Variants in F8 observed in about 807,000 individuals in gnomAD.
F8 encodes antihemophilic factor.
A neutral mutation model predicts 140.6 loss-of-function variants in F8; 12 were observed. The ratio of observed to expected loss-of-function variants is 0.09; its 90% CI spans 0.05 to 0.14. F8 has a LOEUF of 0.14. Among genes scored for constraint, F8 ranks in the 10% least tolerant of loss-of-function variants. F8 has a pLI of 1.00. For missense variants in F8, 1,354 were observed against 1,720.7 expected (o/e 0.79, Z 3.77); for synonymous variants, 585 against 614.6 (o/e 0.95, Z 0.71).
chrX:155,014,899 C>T (rs1464010299), intron 1 of F8, among the ~76,000 whole-genome samples: 2 of 112,308 alleles, frequency 1.8e-5, no homozygotes, highest in Non-Finnish European at 3.8e-5. Flanking sequence ...TCCCAGTTGG[C>T]TATTTGGTGG....
At chrX:155,005,109 C>T (rs782137752) in intron 1 of F8, among the ~76,000 whole-genome samples, 8 of 111,254 alleles carry the variant, frequency 7.2e-5, no homozygotes, top group African/African-American at 1.3e-4. Context: ...GGAATATGTC[C>T]GCCAGTGGAC....
intron 4 of F8, among the ~76,000 whole-genome samples, chrX:154,991,463 A>G (rs1348487562): frequency 8.9e-6 from 1 of 112,067 alleles, no homozygotes. Flanking sequence ...TGGGCTTTGC[A>G]TTTTGTCAAG....
At chrX:154,909,938 G>A (rs1346273561) in intron 14 of F8, among the ~76,000 whole-genome samples, 1 of 111,701 alleles carries the variant, frequency 9.0e-6, no homozygotes, top group Non-Finnish European at 1.9e-5. Flanking sequence ...CTGTAATATC[G>A]AACACTACAA....
chrX:155,000,421 C>T (rs1452610618), intron 1 of F8, among the ~76,000 whole-genome samples: 1 of 112,402 alleles, frequency 8.9e-6, no homozygotes, highest in Non-Finnish European at 1.9e-5. Context: ...AGCAGTTCTG[C>T]AGCTTTCTCT....
intron 13 of F8, among the ~76,000 whole-genome samples, chrX:154,940,194 G>T (rs918061304): frequency 8.9e-6 from 1 of 111,934 alleles, no homozygotes; most frequent in African/African-American, 3.3e-5. Flanking sequence ...AGAGAGGAAG[G>T]CTTCAGAAGA....
At chrX:154,933,405 T>C (rs1485984290) in intron 13 of F8, among the ~76,000 whole-genome samples, 2 of 111,954 alleles carry the variant, frequency 1.8e-5, no homozygotes, top group Non-Finnish European at 3.8e-5. Context: ...ACTACAAATA[T>C]ATAGATCAGT....
rs781979671 is a variant in F8, at chrX:154,904,516, A to G, written c.5595T>C (p.Asp1865=). ...AYFSDVDLEK[D]VHSGLIGPLL... is the part of the protein sequence containing the mutation. ...GGGGTCCAATCAGGCCTGAGTGCACATCTTTTTCCTAGGGAGGGAAGACAT... is the reference window on the plus strand; with the variant it reads ...GGGGTCCAATCAGGCCTGAGTGCACGTCTTTTTCCTAGGGAGGGAAGACAT... Residue 1865 remains aspartate (D), a synonymous_variant, in exon 17 of 26, where the codon GAT becomes GAC. Transcript: ENST00000360256. 5 of 1,201,640 alleles carry G rather than the reference A, an allele frequency of 4.2e-6. No individual in the cohort carries two copies. The East Asian group carries it at 8.9e-5, about 21-fold the overall frequency.
chrX:154,903,576 A>C (rs1557276090), intron 18 of F8, among the ~76,000 whole-genome samples: 1 of 112,038 alleles, frequency 8.9e-6, no homozygotes, highest in African/African-American at 3.2e-5. Context: ...TACATACATA[A>C]ACAAATGACT....
chrX:154,853,357 ATTACT>A (rs1489639783), intron 25 of F8, among the ~76,000 whole-genome samples: 3 of 111,427 alleles, frequency 2.7e-5, no homozygotes, highest in Non-Finnish European at 5.7e-5. Context: ...TCCATATGTT[ATTACT>A]TTAAAGATTT....
chrX:154,992,873 T>C (rs782757566), intron 4 of F8, 63 bp downstream of exon 4: 2 of 1,033,731 alleles, frequency 1.9e-6, no homozygotes, highest in Non-Finnish European at 2.7e-6. Flanking sequence ...CTGTTATAGA[T>C]AGATTCAGTT....
rs201315837 is a variant in F8 at position 154,984,740 on chromosome X, C to T, written c.734G>A (p.Arg245Gln). 49 of 1,209,745 alleles carry T rather than the reference C, an allele frequency of 4.1e-5. No homozygotes were observed. In the East Asian group the frequency reaches 7.4e-4, roughly 18 times the overall value. ...GACTGTGTGCATTTTAGGCCAGGCC[C>T]GAGCAGATGCAGCATCCCTATCCTG... The part of the protein sequence containing the change: ...LMQDRDAASA[R>Q]AWPKMHTVNG... Residue 245 changes from arginine (R) to glutamine (Q), a missense_variant, in exon 6 of 26, where the codon CGG (arginine) becomes CAG (glutamine). Arg to Gln is a conservative substitution (Grantham distance 43). Coordinates refer to ENST00000360256, the MANE Select transcript of F8 (RefSeq NM_000132.4).
intron 22 of F8, among the ~76,000 whole-genome samples, chrX:154,878,975 G>GC (rs2072839460): frequency 1.8e-5 from 2 of 112,379 alleles, no homozygotes; most frequent in Admixed American, 9.4e-5. Context: ...AAACATTGCT[G>GC]AAAGATATTA....
At chrX:154,975,974 C>A (rs1246914469) in intron 6 of F8, among the ~76,000 whole-genome samples, 2 of 111,603 alleles carry the variant, frequency 1.8e-5, no homozygotes, top group Non-Finnish European at 3.8e-5. Context: ...CGGCTCACTG[C>A]AAGCTCCGCC....
At chrX:155,019,089 G>A (rs1331189760) in intron 1 of F8, among the ~76,000 whole-genome samples, 1 of 111,731 alleles carries the variant, frequency 9.0e-6, no homozygotes, top group Non-Finnish European at 1.9e-5. Flanking sequence ...TTAGTGTCAG[G>A]ACATCTATGA....
chrX:154,986,146 G>A (rs2073557510), intron 5 of F8, among the ~76,000 whole-genome samples: 1 of 112,231 alleles, frequency 8.9e-6, no homozygotes, highest in Non-Finnish European at 1.9e-5. Context: ...AGAGGAAACT[G>A]CATATGCAGA....
chrX:154,975,021 T>C (rs191548552), intron 6 of F8, among the ~76,000 whole-genome samples: 3 of 111,850 alleles, frequency 2.7e-5, no homozygotes, highest in African/African-American at 9.7e-5. Context: ...TTTTTATCTT[T>C]TCAAAGAACT....
intron 7 of F8, among the ~76,000 whole-genome samples, chrX:154,968,252 T>C (rs1557282209): frequency 9.0e-6 from 1 of 111,574 alleles, no homozygotes; most frequent in Admixed American, 9.5e-5. Flanking sequence ...AGTGGATTTG[T>C]TATCACAGGA....
At chrX:154,944,761 G>A (rs1440566331) in intron 13 of F8, among the ~76,000 whole-genome samples, 2 of 111,460 alleles carry the variant, frequency 1.8e-5, no homozygotes, top group African/African-American at 6.5e-5. Flanking sequence ...CAAAGACTTG[G>A]AACCAACCCA....
chrX:154,969,687 A>G, intron 6 of F8, 135 bp from the exon 7 acceptor site: 1 of 533,752 alleles, frequency 1.9e-6, no homozygotes, highest in South Asian at 3.0e-5. Context: ...TTTATCAAGA[A>G]CATTGGGCTA....
Sources: allele counts gnomAD v4.1 joint callset (sites outside exome capture counted in the v4.1 genomes callset), GRCh38; gene constraint gnomAD v4.1.1; transcripts MANE v1.5; gene names NCBI Gene and HGNC (gene_info 2026-07-23, HGNC 2026-07-21).